Variants in TPO observed in about 807,000 individuals in gnomAD.
The protein encoded by TPO is thyroid peroxidase.
In TPO, 78 loss-of-function variants were observed where a neutral mutation model predicts 96.9. That is an observed-to-expected ratio of 0.81 (90% CI 0.67 to 0.97). The LOEUF (loss-of-function observed/expected upper bound fraction) is 0.97. TPO is among the 50% of genes least tolerant of loss of function. TPO has a pLI of 0.00. For missense variants in TPO, 1,252 were observed against 1,274.8 expected (o/e 0.98, Z 0.27); for synonymous variants, 547 against 538.0 (o/e 1.02, Z -0.23).
intron 15 of TPO, among the ~76,000 whole-genome samples, chr2:1,539,033 A>G (rs1255426142): frequency 6.6e-6 from 1 of 152,146 alleles, no homozygotes; most frequent in Non-Finnish European, 1.5e-5. Context: ...GCTGGATTCC[A>G]GGTTCCACCC....
chr2:1,540,305 G>A (rs1458880021), intron 15 of TPO, among the ~76,000 whole-genome samples: 1 of 152,204 alleles, frequency 6.6e-6, no homozygotes. Flanking sequence ...ACTGCAGCCC[G>A]CGTCCCTTGC....
At chr2:1,407,030 A>G (rs1000711241) in intron 1 of TPO, among the ~76,000 whole-genome samples, 3 of 152,170 alleles carry the variant, frequency 2.0e-5, no homozygotes, top group African/African-American at 7.2e-5. Context: ...CTGGACATTG[A>G]TGGAGAAGTG....
intron 15 of TPO, among the ~76,000 whole-genome samples, chr2:1,525,199 C>G (rs1282671335): frequency 7.5e-6 from 1 of 132,538 alleles, no homozygotes; most frequent in South Asian, 2.4e-4. Flanking sequence ...CAAGTCCCCC[C>G]ACTGTGCAAC....
intron 7 of TPO, among the ~76,000 whole-genome samples, chr2:1,466,301 G>A (rs1448264373): frequency 6.6e-6 from 1 of 152,124 alleles, no homozygotes; most frequent in Non-Finnish European, 1.5e-5. Context: ...CTAGTATTTT[G>A]TTAAGGATTT....
chr2:1,457,060 CAT>C (rs568238183), intron 7 of TPO, among the ~76,000 whole-genome samples: 1 of 5,640 alleles, frequency 1.8e-4, no homozygotes, highest in Non-Finnish European at 4.0e-4. Flanking sequence ...TGTGGGTACA[CAT>C]ATATAGCATG....
At position 1,438,885 on chromosome 2, in the gene TPO, G is replaced by A. The variant is rs79389268; in HGVS notation, c.482+2501G>A. On this transcript the variant is annotated intron_variant, in intron 5 of 16. Transcript: ENST00000329066. ...CTGTTTAACTAGGAACCTTCCAGCAGGACAGACCAAATAATGCGAAACTGA... is the reference window on the plus strand; with the variant it reads ...CTGTTTAACTAGGAACCTTCCAGCAAGACAGACCAAATAATGCGAAACTGA... The A allele has an allele frequency of 3.3e-3, 2,392 of 716,342 alleles. 37 individuals are homozygous for A. The African/African-American group carries it at 0.037, about 11-fold the overall frequency. The allele number at this position is 716,342 out of a possible 1,614,324, so 44.4% of individuals were successfully genotyped here.
intron 1 of TPO, among the ~76,000 whole-genome samples, chr2:1,383,412 G>A (rs986786997): frequency 5.3e-5 from 8 of 152,086 alleles, no homozygotes; most frequent in African/African-American, 1.2e-4. Context: ...TTTAATGATC[G>A]CCATTTTAAC....
chr2:1,531,061 A>G (rs1228179164), intron 15 of TPO, among the ~76,000 whole-genome samples: 55 of 2,934 alleles, frequency 0.019, no homozygotes, highest in Non-Finnish European at 0.021. Context: ...TACCCCCACT[A>G]TGTGCAACCT....
chr2:1,472,309 G>C (rs1172119265), intron 7 of TPO, among the ~76,000 whole-genome samples: 1 of 151,896 alleles, frequency 6.6e-6, no homozygotes, highest in African/African-American at 2.4e-5. Context: ...TCCTTCCCTT[G>C]ATCCAAATGC....
At chr2:1,411,143 T>G (rs1662327439), upstream of TPO, among the ~76,000 whole-genome samples, 1 of 152,198 alleles carries the variant, frequency 6.6e-6, no homozygotes, top group Non-Finnish European at 1.5e-5. Flanking sequence ...TCTCAGACTT[T>G]TCTCCGCTCC....
intron 15 of TPO, among the ~76,000 whole-genome samples, chr2:1,533,043 C>G (rs1311910831): frequency 1.5e-5 from 2 of 129,236 alleles, no homozygotes; most frequent in Non-Finnish European, 3.2e-5. Flanking sequence ...CAAAAATCCC[C>G]CCACTGTGTG....
At chr2:1,528,953 C>T (rs894407333) in intron 15 of TPO, among the ~76,000 whole-genome samples, 7 of 139,554 alleles carry the variant, frequency 5.0e-5, no homozygotes, top group African/African-American at 1.9e-4. Flanking sequence ...CCAGTGTGCG[C>T]ATCCTCCTAA....
intron 1 of TPO, among the ~76,000 whole-genome samples, chr2:1,402,838 C>T (rs930658217): frequency 2.0e-5 from 3 of 152,116 alleles, no homozygotes; most frequent in Admixed American, 1.3e-4. Flanking sequence ...GGGACACATC[C>T]GAACCATATC....
intron 15 of TPO, among the ~76,000 whole-genome samples, chr2:1,540,169 T>TTCAGGC (rs986842703): frequency 1.7e-4 from 26 of 152,228 alleles, no homozygotes; most frequent in African/African-American, 6.0e-4. Flanking sequence ...GGCTGGGGTC[T>TTCAGGC]TCAGGCTCAG....
intron 15 of TPO, among the ~76,000 whole-genome samples, chr2:1,525,317 T>TGCA (rs78920429): frequency 0.5 from 50,890 of 102,522 alleles, 12,715 homozygotes; most frequent in South Asian, 0.56. Flanking sequence ...CCCCACTGTG[T>TGCA]GCCTCCTCAA....
chr2:1,503,066 T>C (rs1405322708), intron 13 of TPO, among the ~76,000 whole-genome samples: 2 of 152,216 alleles, frequency 1.3e-5, no homozygotes, highest in African/African-American at 4.8e-5. Flanking sequence ...ACCAAGACCC[T>C]GTGGCCTATG....
At chr2:1,421,848 C>A (rs1368804345) in intron 2 of TPO, among the ~76,000 whole-genome samples, 1 of 152,204 alleles carries the variant, frequency 6.6e-6, no homozygotes, top group Non-Finnish European at 1.5e-5. Flanking sequence ...TTGGTGGCAT[C>A]GTCCCACATT....
chr2:1,506,422 T>C (rs1324937816), intron 14 of TPO, among the ~76,000 whole-genome samples: 1 of 152,174 alleles, frequency 6.6e-6, no homozygotes, highest in African/African-American at 2.4e-5. Flanking sequence ...CTGGGTCAAA[T>C]GGTATTTCTA....
At chr2:1,480,547 C>T (rs902564637) in intron 8 of TPO, among the ~76,000 whole-genome samples, 1 of 139,900 alleles carries the variant, frequency 7.1e-6, no homozygotes, top group Non-Finnish European at 1.5e-5. Context: ...CTCTATCACC[C>T]CTCAAACCCC....
Sources: allele counts gnomAD v4.1 joint callset (sites outside exome capture counted in the v4.1 genomes callset), GRCh38; gene constraint gnomAD v4.1.1; transcripts MANE v1.5; gene names NCBI Gene and HGNC (gene_info 2026-07-23, HGNC 2026-07-21).